NPAS2: variants seen among roughly 807,000 people sequenced by gnomAD.
NPAS2 encodes the protein neuronal PAS domain protein 2, also known as neuronal PAS domain-containing protein 2.
In NPAS2, 23 loss-of-function variants were observed where a neutral mutation model predicts 107.5. The ratio of observed to expected loss-of-function variants is 0.21; its 90% confidence interval spans 0.15 to 0.30. The LOEUF (loss-of-function observed/expected upper bound fraction) is 0.30, where lower values mean the gene tolerates loss of function less well. Among genes scored for constraint, NPAS2 ranks in the 10% least tolerant of loss-of-function variants. The pLI is 1.00. For synonymous variants in NPAS2, 403 were observed against 417.5 expected (o/e 0.97, Z 0.42); for missense variants, 756 against 1,043.3 (o/e 0.72, Z 3.79).
intron 4 of NPAS2, among the ~76,000 whole-genome samples, chr2:100,933,798 A>C (rs141201213): frequency 1.5e-4 from 23 of 152,356 alleles, no homozygotes; most frequent in Non-Finnish European, 2.9e-4. Flanking sequence ...CAGGCATGAC[A>C]TATCCACGCC....
chr2:100,995,076 A>G (rs536048484), intron 20 of NPAS2: 47 of 319,030 alleles, frequency 1.5e-4, no homozygotes, highest in Non-Finnish European at 2.3e-4. Flanking sequence ...TCATCCAAAA[A>G]CATTGTGGCT....
intron 1 of NPAS2, among the ~76,000 whole-genome samples, chr2:100,874,546 A>C (rs1039525665): frequency 2.6e-5 from 4 of 152,030 alleles, no homozygotes; most frequent in Non-Finnish European, 5.9e-5. Flanking sequence ...GTTCGAGACC[A>C]GCCTGACCAG....
At chr2:100,889,924 C>T (rs1217576386) in intron 1 of NPAS2, among the ~76,000 whole-genome samples, 4 of 145,800 alleles carry the variant, frequency 2.7e-5, no homozygotes, top group Non-Finnish European at 6.1e-5. Flanking sequence ...GCCTTGGAGA[C>T]GTCCCCTGAG....
At chr2:100,987,933 C>T (rs1480936778) in intron 16 of NPAS2, 146 bp from the exon 17 acceptor site, 1 of 841,540 alleles carries the variant, frequency 1.2e-6, no homozygotes, top group African/African-American at 1.7e-5. Context: ...ATCACAGGTG[C>T]TCCATGTCCA....
chr2:100,928,954 A>G (rs1287461385), intron 3 of NPAS2, among the ~76,000 whole-genome samples: 2 of 152,188 alleles, frequency 1.3e-5, no homozygotes, highest in African/African-American at 4.8e-5. Context: ...CCCAGGCTAG[A>G]GTGCAGTGGT....
chr2:100,818,839 G>A (rs1675878287), upstream of NPAS2, among the ~76,000 whole-genome samples: 1 of 152,252 alleles, frequency 6.6e-6, no homozygotes, highest in South Asian at 2.1e-4. Context: ...GAGCGGGCAG[G>A]GGGACCTTTC....
At chr2:100,939,232 C>A (rs1252319810) in intron 5 of NPAS2, among the ~76,000 whole-genome samples, 2 of 152,244 alleles carry the variant, frequency 1.3e-5, no homozygotes, top group Non-Finnish European at 2.9e-5. Context: ...TTTGCATTCG[C>A]TGAGCGGTGG....
intron 1 of NPAS2, among the ~76,000 whole-genome samples, chr2:100,841,486 C>A (rs1235351174): frequency 1.3e-5 from 2 of 152,162 alleles, no homozygotes; most frequent in East Asian, 1.9e-4. Context: ...TATGCCCATG[C>A]CAAATATACC....
At chr2:100,975,062 C>A in intron 13 of NPAS2, 118 bp downstream of exon 13, 1 of 1,121,902 alleles carries the variant, frequency 8.9e-7, no homozygotes, top group Non-Finnish European at 1.3e-6. Context: ...ACAGAGGTTG[C>A]CGTGCAGTTT....
intron 5 of NPAS2, among the ~76,000 whole-genome samples, chr2:100,940,895 G>C (rs1021661137): frequency 3.9e-5 from 6 of 152,182 alleles, no homozygotes; most frequent in Non-Finnish European, 7.3e-5. Flanking sequence ...TCGAGGAAGA[G>C]GCGGCTCTTG....
At chr2:100,871,488 G>T (rs1009291649) in intron 1 of NPAS2, among the ~76,000 whole-genome samples, 7 of 151,972 alleles carry the variant, frequency 4.6e-5, no homozygotes, top group Non-Finnish European at 7.4e-5. Context: ...ATGCTGCTGT[G>T]CTTGGCTAAT....
intron 5 of NPAS2, 120 bp downstream of exon 5, chr2:100,937,962 A>G: frequency 1.2e-6 from 1 of 838,454 alleles, no homozygotes; most frequent in African/African-American, 1.7e-5. Flanking sequence ...AAGAGGGCGG[A>G]GAGTAAAGGA....
At chr2:100,992,165 A>G (rs1558948448) in intron 19 of NPAS2, among the ~76,000 whole-genome samples, 1 of 152,226 alleles carries the variant, frequency 6.6e-6, no homozygotes, top group Non-Finnish European at 1.5e-5. Flanking sequence ...TGTAATCCCA[A>G]CACTTTGGGA....
At chr2:100,955,030 G>A (rs201788355) in intron 7 of NPAS2, among the ~76,000 whole-genome samples, 5 of 151,964 alleles carry the variant, frequency 3.3e-5, no homozygotes, top group Admixed American at 6.6e-5. Flanking sequence ...GGCATGTGCC[G>A]CGATGCCTGG....
chr2:100,928,700 T>G (rs867372180), intron 3 of NPAS2, among the ~76,000 whole-genome samples: 7 of 151,946 alleles, frequency 4.6e-5, no homozygotes, highest in Non-Finnish European at 7.4e-5. Context: ...GGAAGTAGAG[T>G]TGTTGGAGCA....
intron 3 of NPAS2, among the ~76,000 whole-genome samples, 162 bp from the exon 4 acceptor site, chr2:100,932,748 A>C (rs971295659): frequency 6.6e-6 from 1 of 151,948 alleles, no homozygotes; most frequent in Admixed American, 6.5e-5. Flanking sequence ...CGAAGCTCCC[A>C]GTCCTTGGAA....
In NPAS2 at chr2:100,990,773, C is replaced by G. The variant is rs1558947013; in HGVS notation, c.2019-7C>G. On this transcript the variant is annotated splice_region_variant and splice_polypyrimidine_tract_variant and intron_variant, in intron 18 of 20. Transcript: ENST00000335681. The stretch of plus-strand genomic sequence containing the variant: ...TCAGTTTCCTATTTCCCCACCTCTG[C>G]TTAAAGGCTGTTGCTGAGCCAGCCC... 3 of 1,613,860 alleles carry G rather than the reference C, an allele frequency of 1.9e-6. No individual in the cohort carries two copies. Among genetic ancestry groups the G allele is most frequent in the Non-Finnish European group, 2.5e-6 (3 of 1,179,714 alleles).
At chr2:100,937,902 A>G (rs573621877) in intron 5 of NPAS2, 60 bp downstream of exon 5, 1 of 1,297,278 alleles carries the variant, frequency 7.7e-7, no homozygotes, top group East Asian at 2.3e-5. Context: ...GTTGAGAATC[A>G]TTAGATCTCA....
intron 15 of NPAS2, among the ~76,000 whole-genome samples, chr2:100,978,343 T>G (rs1182192594): frequency 6.6e-6 from 1 of 152,158 alleles, no homozygotes; most frequent in African/African-American, 2.4e-5. Flanking sequence ...GTCTGTTTTT[T>G]TAATTCTTTT....
Sources: gnomAD v4.1 joint callset for allele counts (sites outside exome capture counted in the v4.1 genomes callset) on GRCh38, gnomAD v4.1.1 for gene constraint, MANE v1.5 for transcripts, NCBI Gene and HGNC (gene_info 2026-07-23, HGNC 2026-07-21) for gene names.